Variants in GPHN observed in about 807,000 individuals in gnomAD.
GPHN encodes the protein gephyrin.
Under a neutral mutation model 95.5 loss-of-function variants are expected in GPHN, and 17 were observed. The ratio of observed to expected loss-of-function variants is 0.18; its 90% CI spans 0.12 to 0.27. The LOEUF (loss-of-function observed/expected upper bound fraction) is 0.27. Among genes scored for constraint, GPHN ranks in the 10% least tolerant of loss-of-function variants. The probability of loss-of-function intolerance (pLI) is 1.00; values close to 1 mark genes in which losing one functional copy is unlikely to be tolerated. For synonymous variants in GPHN, 320 were observed against 322.5 expected, an observed-to-expected ratio of 0.99 and a Z score of 0.08; for missense variants, 660 against 978.1, an observed-to-expected ratio of 0.67 and a Z score of 4.34.
chr14:67,039,938 A>G (rs1371082812), intron 10 of GPHN, among the ~76,000 whole-genome samples: 1 of 152,292 alleles, frequency 6.6e-6, no homozygotes, highest in East Asian at 1.9e-4. Context: ...CTGTGTGCAT[A>G]ACATCTTTGG....
the GPHN span, chr14:67,441,920 C>A: frequency 6.5e-6 from 1 of 153,840 alleles, no homozygotes; most frequent in African/African-American, 2.4e-5. Flanking sequence ...GTCCCATGAT[C>A]TGCAGTTGGC....
At chr14:66,916,502 GTT>G (rs755169347) in intron 6 of GPHN, among the ~76,000 whole-genome samples, 1 of 128,322 alleles carries the variant, frequency 7.8e-6, no homozygotes, top group Non-Finnish European at 1.7e-5. Flanking sequence ...TTTTGGTTTG[GTT>G]TTTTTTTTTG....
chr14:67,579,695 G>C, the GPHN span: 1 of 1,608,018 alleles, frequency 6.2e-7, no homozygotes, highest in South Asian at 1.1e-5. Flanking sequence ...GGTTCACTCA[G>C]GGTTGGAACT....
chr14:67,350,791 G>T, the GPHN span: 4 of 1,113,666 alleles, frequency 3.6e-6, no homozygotes, highest in Non-Finnish European at 5.2e-6. Flanking sequence ...TTTTATGCTG[G>T]CTGTGCATGT....
At chr14:67,666,427 G>C in the GPHN span, among the ~76,000 whole-genome samples, 1 of 152,200 alleles carries the variant, frequency 6.6e-6, no homozygotes, top group South Asian at 2.1e-4. Flanking sequence ...CCTCTTATAA[G>C]TGCTCTATAA....
At chr14:66,535,899 C>G (rs1475272186) in intron 1 of GPHN, among the ~76,000 whole-genome samples, 1 of 151,992 alleles carries the variant, frequency 6.6e-6, no homozygotes. Flanking sequence ...AGAATAGTAA[C>G]TATTTTACTT....
At chr14:67,271,145 G>A in the GPHN span, 2 of 152,190 alleles carry the variant, frequency 1.3e-5, no homozygotes, top group African/African-American at 4.8e-5. Flanking sequence ...CAAACACTTA[G>A]CAGGTATCAC....
intron 1 of GPHN, among the ~76,000 whole-genome samples, chr14:66,644,655 G>C (rs897960641): frequency 2.7e-5 from 4 of 148,828 alleles, no homozygotes; most frequent in African/African-American, 1.0e-4. Flanking sequence ...GAGAAAGAAA[G>C]TCTCAGACCA....
chr14:66,714,325 C>G (rs1318223116), intron 2 of GPHN, among the ~76,000 whole-genome samples: 1 of 152,076 alleles, frequency 6.6e-6, no homozygotes, highest in Non-Finnish European at 1.5e-5. Context: ...AGAAGAGCTA[C>G]TGATTTGTGT....
chr14:66,657,565 C>G (rs1320704091), intron 1 of GPHN, among the ~76,000 whole-genome samples: 1 of 152,186 alleles, frequency 6.6e-6, no homozygotes, highest in East Asian at 1.9e-4. Flanking sequence ...GCTAATGCAG[C>G]TGGTAACTTT....
chr14:66,524,700 ATG>A (rs2058617811), intron 1 of GPHN, among the ~76,000 whole-genome samples: 1 of 151,218 alleles, frequency 6.6e-6, no homozygotes, highest in African/African-American at 2.4e-5. Flanking sequence ...CCTTGTGTCC[ATG>A]TGTTCTCATT....
chr14:67,636,855 C>T, the GPHN span, among the ~76,000 whole-genome samples: 1 of 152,196 alleles, frequency 6.6e-6, no homozygotes, highest in South Asian at 2.1e-4. Flanking sequence ...ATTTCAGGCT[C>T]CTCTTGTCCT....
intron 3 of GPHN, among the ~76,000 whole-genome samples, chr14:66,818,046 A>T (rs2061048677): frequency 6.6e-6 from 1 of 152,126 alleles, no homozygotes; most frequent in African/African-American, 2.4e-5. Flanking sequence ...AAACTTACTG[A>T]CCATGAGTAC....
the GPHN span, chr14:67,412,118 C>G: frequency 7.0e-7 from 1 of 1,425,340 alleles, no homozygotes; most frequent in South Asian, 1.4e-5. Flanking sequence ...TCGCGCTCCT[C>G]GGCACCCGCG....
chr14:66,592,550 A>G (rs9768256), intron 1 of GPHN, among the ~76,000 whole-genome samples: 2 of 152,198 alleles, frequency 1.3e-5, no homozygotes, highest in Admixed American at 6.5e-5. Flanking sequence ...CATATGAAAA[A>G]AGCTCATCAT....
At chr14:67,569,805 A>G in the GPHN span, 1 of 707,348 alleles carries the variant, frequency 1.4e-6, no homozygotes, top group East Asian at 2.7e-5. Context: ...CCCCCTCTTG[A>G]GATCTGTCAC....
At chr14:67,550,239 A>G in the GPHN span, among the ~76,000 whole-genome samples, 1 of 151,818 alleles carries the variant, frequency 6.6e-6, no homozygotes, top group Non-Finnish European at 1.5e-5. Context: ...CCCAAGCTGG[A>G]GTGCAGTGGC....
chr14:67,018,739 C>G (rs1201497874), intron 9 of GPHN, among the ~76,000 whole-genome samples: 3 of 152,146 alleles, frequency 2.0e-5, no homozygotes, highest in Non-Finnish European at 4.4e-5. Context: ...GTCAGTGGCA[C>G]CACTGATCAT....
chr14:67,082,439 C>G (rs1273263375), intron 11 of GPHN, among the ~76,000 whole-genome samples: 1 of 152,124 alleles, frequency 6.6e-6, no homozygotes, highest in Non-Finnish European at 1.5e-5. Flanking sequence ...GATCATTTGA[C>G]TATACACATG....
Sources: allele counts gnomAD v4.1 joint callset (sites outside exome capture counted in the v4.1 genomes callset), GRCh38; gene constraint gnomAD v4.1.1; transcripts MANE v1.5; gene names NCBI Gene and HGNC (gene_info 2026-07-23, HGNC 2026-07-21).